The following RNF149 variants were observed in gnomAD, a reference collection of about 807,000 sequenced individuals.
RNF149 encodes the protein E3 ubiquitin-protein ligase RNF149.
A neutral mutation model predicts 39.0 loss-of-function variants in RNF149; 21 were observed. The ratio of observed to expected loss-of-function variants is 0.54; its 90% CI spans 0.38 to 0.77. The LOEUF is 0.77. Ranked by LOEUF, RNF149 falls within the 30% of genes least tolerant of loss-of-function variation. The pLI is 0.00. For synonymous variants in RNF149, 209 were observed against 213.6 expected (o/e 0.98, Z 0.19); for missense variants, 493 against 534.9 (o/e 0.92, Z 0.77).
Position 101,286,084 on chromosome 2 carries a change from A to G in RNF149, c.957T>C (p.Tyr319=). 4.4e-6 allele frequency: 7 copies of G among 1,594,060 alleles called. No individual in the cohort carries two copies. Among genetic ancestry groups the G allele is most frequent in the Non-Finnish European group, 5.2e-6 (6 of 1,162,940 alleles). The part of the protein sequence containing the change: ...CKLDVIKALG[Y]WGEPGDVQEM... The stretch of plus-strand genomic sequence containing the variant: ...TATAAACAAAAATGTAACAAACCCA[A>G]TATCCTAGGGCTTTGATGACATCAA... The change falls in exon 5 of 7, where the codon TAT becomes TAC. Residue 319 remains tyrosine (Y), a synonymous_variant. Coordinates refer to ENST00000295317, the MANE Select transcript of RNF149 (RefSeq NM_173647.4).
In RNF149 at chr2:101,308,266, G is replaced by A. The variant is rs1285498609; in HGVS notation, c.323C>T (p.Pro108Leu). 6.3e-7 allele frequency: 1 copy of A among 1,583,480 alleles called. No individual in the cohort carries two copies. Among genetic ancestry groups the A allele is most frequent in the East Asian group, 2.3e-5 (1 of 42,798 alleles). Reference protein sequence around the residue: ...VPEPGGRGAAPWVALVARGGC... With the variant: ...VPEPGGRGAALWVALVARGGC... Reference sequence around the variant, plus strand: ...CCCACGAGCCACCAGGGCGACCCAGGGCGCGGCCCCTCGGCCGCCGGGCTC... The same window carrying A: ...CCCACGAGCCACCAGGGCGACCCAGAGCGCGGCCCCTCGGCCGCCGGGCTC... Residue 108 changes from proline (P) to leucine (L), a missense_variant, in exon 1 of 7, where the codon CCC (proline) becomes CTC (leucine). By Grantham distance (98) the Pro-to-Leu change is moderately conservative. Transcript: ENST00000295317.
At chr2:101,288,753 A>G in intron 4 of RNF149, 1 of 437,446 alleles carries the variant, frequency 2.3e-6, no homozygotes, top group Non-Finnish European at 4.1e-6. Flanking sequence ...TACGACAAAG[A>G]TACTTAACGA....
chr2:101,308,648 A>G lies in RNF149; in HGVS notation c.-60T>C. 1 of 1,389,374 alleles carries G rather than the reference A, an allele frequency of 7.2e-7. No homozygotes were observed. The allele number at this position is 1,389,374 out of a possible 1,614,324, so 86.1% of individuals were successfully genotyped here. ...GTCACGCGCGAGTGCGGTGCAGTCG[A>G]AGAGCAGAGAGAAGCGGACACCCAC... On this transcript the variant is annotated 5_prime_UTR_variant, in exon 1 of 7. Coordinates refer to ENST00000295317, the MANE Select transcript of RNF149 (RefSeq NM_173647.4).
At position 101,286,409 on chromosome 2, in the gene RNF149, C is replaced by T. The variant is rs149301037; in HGVS notation, c.864-232G>A. The T allele has an allele frequency of 7.2e-3, 2,750 of 383,800 alleles. 23 individuals are homozygous for T. Among genetic ancestry groups the T allele is most frequent in the South Asian group, 0.012 (247 of 20,364 alleles). 23.8% of individuals were successfully genotyped at this position (383,800 alleles called of 1,614,324 possible). A position where few individuals can be genotyped will look rare whatever the true frequency, so the allele number is the denominator to read the frequency against. ...ACAAAAACCATGGCTTATTTATGCT[C>T]TCACGCTAGGTTGTACATTTTTATG... On this transcript the variant is annotated intron_variant, in intron 4 of 6. Coordinates refer to ENST00000295317, the MANE Select transcript of RNF149 (RefSeq NM_173647.4).
chr2:101,282,113 C>G, intron 5 of RNF149, 56 bp from the exon 6 acceptor site: 1 of 1,602,588 alleles, frequency 6.2e-7, no homozygotes, highest in Non-Finnish European at 8.5e-7. Flanking sequence ...ATGATCAAAG[C>G]TTATGTATCA....
chr2:101,289,812 G>A (rs895610310), intron 3 of RNF149, among the ~76,000 whole-genome samples: 4 of 152,058 alleles, frequency 2.6e-5, no homozygotes, highest in African/African-American at 9.7e-5. Context: ...AAGGTGCTGG[G>A]ATTACCAGCA....
rs1234147963 is a variant in RNF149 at position 101,276,395 on chromosome 2, C to T, written c.*843G>A. The stretch of plus-strand genomic sequence containing the variant: ...CTCTAATCAAGAAAACTGGTTATTT[C>T]GAGTCAACAACAAAAACTAAAATTC... On this transcript the variant is annotated 3_prime_UTR_variant, in exon 7 of 7. Coordinates refer to ENST00000295317, the MANE Select transcript of RNF149 (RefSeq NM_173647.4). 9 of 985,684 alleles carry T rather than the reference C, an allele frequency of 9.1e-6. No individual in the cohort carries two copies. Among genetic ancestry groups the T allele is most frequent in the East Asian group, 1.1e-4 (1 of 8,832 alleles). 61.1% of individuals were successfully genotyped at this position (985,684 alleles called of 1,614,324 possible).
chr2:101,276,690 C>T lies in RNF149; in HGVS notation c.*548G>A. The T allele has an allele frequency of 3.0e-6, 3 of 985,440 alleles. No homozygotes were observed. The highest frequency in any genetic ancestry group is 3.6e-6 in the Non-Finnish European group (3 of 829,920). The allele number at this position is 985,440 out of a possible 1,614,324, so 61.0% of individuals were successfully genotyped here. A position where few individuals can be genotyped will look rare whatever the true frequency, so the allele number is the denominator to read the frequency against. On this transcript the variant is annotated 3_prime_UTR_variant, in exon 7 of 7. Coordinates refer to ENST00000295317, the MANE Select transcript of RNF149 (RefSeq NM_173647.4). ...CATAATTCTAAACAAAGAAAAAGTG[C>T]TCTCAGGTTTTGAAATCTTCACATA...
intron 1 of RNF149, 78 bp downstream of exon 1, chr2:101,308,051 G>A: frequency 6.5e-7 from 1 of 1,537,284 alleles, no homozygotes; most frequent in African/African-American, 1.4e-5. Flanking sequence ...GCGGCCTGCG[G>A]TTCAGGGCCA....
At position 101,276,618 on chromosome 2, in the gene RNF149, G is replaced by A; in HGVS notation, c.*620C>T. The A allele has an allele frequency of 3.0e-6, 3 of 985,600 alleles. No individual in the cohort carries two copies. Among genetic ancestry groups the A allele is most frequent in the Non-Finnish European group, 3.6e-6 (3 of 829,894 alleles). 61.1% of individuals were successfully genotyped at this position (985,600 alleles called of 1,614,324 possible). A position where few individuals can be genotyped will look rare whatever the true frequency, so the allele number is the denominator to read the frequency against. On this transcript the variant is annotated 3_prime_UTR_variant, in exon 7 of 7. Transcript: ENST00000295317. ...CCAACAAGGCGTCACAAGAAATGAG[G>A]CAATAAAGGGAAAAATGCAAATCCT...
At chr2:101,291,815 C>T (rs1227152918) in intron 3 of RNF149, among the ~76,000 whole-genome samples, 2 of 152,100 alleles carry the variant, frequency 1.3e-5, no homozygotes, top group East Asian at 3.8e-4. Context: ...GAATGGAATA[C>T]AATGTAGACT....
chr2:101,278,740 A>G (rs912314875), intron 6 of RNF149, among the ~76,000 whole-genome samples: 1 of 152,210 alleles, frequency 6.6e-6, no homozygotes, highest in African/African-American at 2.4e-5. Flanking sequence ...AACTGTAGTC[A>G]CCATGCTGTA....
In RNF149 at chr2:101,308,183, C is replaced by T; in HGVS notation, c.406G>A (p.Val136Ile). The T allele has an allele frequency of 6.2e-7, 1 of 1,610,688 alleles. No homozygotes were observed. Among genetic ancestry groups the T allele is most frequent in the South Asian group, 1.1e-5 (1 of 90,994 alleles). ...CCGTAGCGCTCCTCATTGTAGAGGA[C>T]GACGGCCGAGGCGTTCCTCCGCGCC... Reference protein sequence around the residue: ...VAARRNASAVVLYNEERYGNI... With the variant: ...VAARRNASAVILYNEERYGNI... The change falls in exon 1 of 7, where the codon GTC (valine) becomes ATC (isoleucine). Residue 136 changes from valine to isoleucine, a missense_variant. By Grantham distance (29) the Val-to-Ile change is conservative. Transcript: ENST00000295317.
In RNF149 at chr2:101,286,176, G is replaced by A; in HGVS notation, c.865C>T (p.His289Tyr). Residue 289 changes from histidine (H) to tyrosine (Y), a missense_variant and splice_region_variant, in exon 5 of 7, where the codon CAT becomes TAT. Transcript: ENST00000295317. ...TCAATGCATATTCTATGAAAAATAT[G>A]CCTAAAAAGATTAAGTATGTGTTAA... ...KDIIRILPCK[H>Y]IFHRICIDPW... 1 of 1,563,866 alleles carries A rather than the reference G, an allele frequency of 6.4e-7. No homozygotes were observed. The highest frequency in any genetic ancestry group is 8.8e-7 in the Non-Finnish European group (1 of 1,135,996).
downstream of RNF149, chr2:101,273,112 C>T (rs749724960): frequency 5.9e-5 from 81 of 1,363,796 alleles, no homozygotes; most frequent in Admixed American, 4.0e-4. Context: ...AGATAGCATG[C>T]GGGGAAATTA....
chr2:101,280,375 A>C (rs915403643), intron 6 of RNF149, among the ~76,000 whole-genome samples: 1 of 152,102 alleles, frequency 6.6e-6, no homozygotes, highest in African/African-American at 2.4e-5. Context: ...AAAAGGAAAA[A>C]ACAGATTAGT....
intron 6 of RNF149, among the ~76,000 whole-genome samples, chr2:101,278,869 G>A (rs925272823): frequency 6.6e-6 from 1 of 152,202 alleles, no homozygotes; most frequent in Non-Finnish European, 1.5e-5. Flanking sequence ...GAAGTAGGTG[G>A]AGAGTGATGT....
chr2:101,292,442 CAT>C (rs1219059288), intron 3 of RNF149, among the ~76,000 whole-genome samples: 1 of 152,116 alleles, frequency 6.6e-6, no homozygotes, highest in Non-Finnish European at 1.5e-5. Context: ...GTAAATTAAA[CAT>C]ATACATCTAT....
At chr2:101,307,920 C>CA in intron 1 of RNF149, 1 of 985,462 alleles carries the variant, frequency 1.0e-6, no homozygotes, top group South Asian at 4.7e-5. Context: ...AGGCGAAGAT[C>CA]ACATCTTGTC....
Sources: gnomAD v4.1 joint callset for allele counts (sites outside exome capture counted in the v4.1 genomes callset) on GRCh38, gnomAD v4.1.1 for gene constraint, MANE v1.5 for transcripts, NCBI Gene and HGNC (gene_info 2026-07-23, HGNC 2026-07-21) for gene names.